Variants in RASA2 observed in about 807,000 individuals in gnomAD.
RASA2 encodes ras GTPase-activating protein 2.
In RASA2, 155 loss-of-function variants were observed where a neutral mutation model predicts 118.2. The ratio of observed to expected loss-of-function variants is 1.31; its 90% CI spans 1.15 to 1.50. RASA2 has a LOEUF of 1.50. Among genes scored for constraint, RASA2 ranks in the 40% most tolerant of loss-of-function variants. RASA2 has a pLI of 0.00. For synonymous variants in RASA2, 353 were observed against 349.1 expected (o/e 1.01, Z -0.12); for missense variants, 1,016 against 1,009.6 (o/e 1.01, Z -0.09).
At chr3:141,589,513 A>G (rs1268077653) in intron 19 of RASA2, among the ~76,000 whole-genome samples, 1 of 152,162 alleles carries the variant, frequency 6.6e-6, no homozygotes, top group Non-Finnish European at 1.5e-5. Context: ...CAGGGAGTTC[A>G]TAGACCTAAA....
At chr3:141,570,822 G>A in intron 9 of RASA2, 90 bp from the exon 10 acceptor site, 1 of 1,261,090 alleles carries the variant, frequency 7.9e-7, no homozygotes, top group Non-Finnish European at 1.1e-6. Flanking sequence ...TGACTTTTTT[G>A]GTTTAGTTTT....
At chr3:141,505,432 G>A (rs2081851066) in intron 1 of RASA2, among the ~76,000 whole-genome samples, 2 of 152,146 alleles carry the variant, frequency 1.3e-5, no homozygotes, top group Admixed American at 1.3e-4. Flanking sequence ...GGAAGACTTT[G>A]CAAAGATGCC....
At chr3:141,577,177 T>C (rs1449241655) in intron 15 of RASA2, 71 bp downstream of exon 15, 2 of 1,216,294 alleles carry the variant, frequency 1.6e-6, no homozygotes, top group African/African-American at 3.2e-5. Flanking sequence ...AAAGATAAAA[T>C]AAACCAATTT....
intron 7 of RASA2, among the ~76,000 whole-genome samples, chr3:141,557,265 A>G (rs997880481): frequency 6.6e-6 from 1 of 152,236 alleles, no homozygotes; most frequent in African/African-American, 2.4e-5. Flanking sequence ...CTTTAACTGA[A>G]GCAAGGAACA....
rs370935916 is a variant in RASA2 at position 141,570,924 on chromosome 3, G to T, written c.876G>T (p.Gln292His). ...ATTTTTACTTTAGGTACTTGCTACA[G>T]CCAAGAGACAATGGAAACAAGTCAT... ...DSSHQAWYLL[Q>H]PRDNGNKSSK... Residue 292 changes from glutamine to histidine, a missense_variant, in exon 10 of 24, where the codon CAG (glutamine) becomes CAT (histidine). Transcript: ENST00000286364. 5.6e-6 allele frequency: 9 copies of T among 1,607,352 alleles called. No homozygotes were observed. Among genetic ancestry groups the T allele is most frequent in the Non-Finnish European group, 7.6e-6 (9 of 1,177,896 alleles).
chr3:141,594,858 A>T (rs2083342408), intron 19 of RASA2, among the ~76,000 whole-genome samples: 1 of 148,984 alleles, frequency 6.7e-6, no homozygotes, highest in Non-Finnish European at 1.5e-5. Flanking sequence ...TATGTGGGTA[A>T]ATGTAAGAAT....
chr3:141,544,118 C>A (rs1252184521), intron 5 of RASA2, among the ~76,000 whole-genome samples: 2 of 152,090 alleles, frequency 1.3e-5, no homozygotes, highest in Non-Finnish European at 2.9e-5. Flanking sequence ...TGAAGTGATC[C>A]TTCTGCCTTG....
intron 1 of RASA2, among the ~76,000 whole-genome samples, chr3:141,487,799 C>G (rs931012256): frequency 1.3e-5 from 2 of 152,108 alleles, no homozygotes; most frequent in African/African-American, 2.4e-5. Context: ...CCCTGGGGCC[C>G]GAGTGGCTAC....
chr3:141,512,879 A>G (rs1465327926), intron 2 of RASA2, among the ~76,000 whole-genome samples: 1 of 152,064 alleles, frequency 6.6e-6, no homozygotes, highest in Non-Finnish European at 1.5e-5. Context: ...CTTGGGCAAC[A>G]TGGTGAAACC....
At chr3:141,589,839 T>G (rs1238433604) in intron 19 of RASA2, among the ~76,000 whole-genome samples, 1 of 147,402 alleles carries the variant, frequency 6.8e-6, no homozygotes, top group Admixed American at 6.8e-5. Context: ...AGGCTCTGTC[T>G]CCAAAAAAAA....
chr3:141,550,263 A>G (rs759249706), intron 5 of RASA2, among the ~76,000 whole-genome samples: 9 of 152,236 alleles, frequency 5.9e-5, no homozygotes, highest in Non-Finnish European at 1.2e-4. Context: ...GTACTTCCCA[A>G]TAGGATGCAT....
At chr3:141,580,235 T>A (rs2083089467) in intron 15 of RASA2, 133 bp from the exon 16 acceptor site, 1 of 609,850 alleles carries the variant, frequency 1.6e-6, no homozygotes, top group Admixed American at 3.4e-5. Flanking sequence ...TTAGCTAGAT[T>A]TTAACTGTGT....
intron 9 of RASA2, among the ~76,000 whole-genome samples, chr3:141,562,913 C>T (rs2151121969): frequency 6.6e-6 from 1 of 152,182 alleles, no homozygotes; most frequent in East Asian, 1.9e-4. Flanking sequence ...CCTCTTGATC[C>T]CCCCGCCTCG....
intron 6 of RASA2, among the ~76,000 whole-genome samples, chr3:141,555,247 A>G (rs964768226): frequency 6.6e-6 from 1 of 151,688 alleles, no homozygotes; most frequent in African/African-American, 2.4e-5. Context: ...CTGGGCAACG[A>G]GCAAAACTCC....
intron 17 of RASA2, among the ~76,000 whole-genome samples, chr3:141,585,004 T>G (rs2083177575): frequency 6.6e-6 from 1 of 152,184 alleles, no homozygotes; most frequent in Admixed American, 6.5e-5. Context: ...GTTTTGGGTT[T>G]TGGAACATTT....
intron 1 of RASA2, among the ~76,000 whole-genome samples, chr3:141,502,883 A>G (rs566811258): frequency 1.8e-4 from 28 of 152,300 alleles, no homozygotes; most frequent in African/African-American, 6.7e-4. Context: ...TTTGAAGCAG[A>G]CCTGGACCTA....
chr3:141,598,837 C>G (rs2107790607), intron 19 of RASA2, among the ~76,000 whole-genome samples: 1 of 152,212 alleles, frequency 6.6e-6, no homozygotes, highest in Non-Finnish European at 1.5e-5. Context: ...ATAATCCCAG[C>G]ACTTTGGGAG....
intron 8 of RASA2, among the ~76,000 whole-genome samples, chr3:141,559,246 T>C (rs1362483002): frequency 1.3e-5 from 2 of 152,194 alleles, no homozygotes; most frequent in African/African-American, 4.8e-5. Flanking sequence ...CTTACATTTC[T>C]GGATTATAGT....
At chr3:141,565,887 A>G (rs935786433) in intron 9 of RASA2, among the ~76,000 whole-genome samples, 1 of 152,196 alleles carries the variant, frequency 6.6e-6, no homozygotes, top group African/African-American at 2.4e-5. Flanking sequence ...AGATGTTCTG[A>G]AGGTTGATCT....
Sources: gnomAD v4.1 joint callset for allele counts (sites outside exome capture counted in the v4.1 genomes callset) on GRCh38, gnomAD v4.1.1 for gene constraint, MANE v1.5 for transcripts, NCBI Gene and HGNC (gene_info 2026-07-23, HGNC 2026-07-21) for gene names.